IQGAP3: variants seen among roughly 807,000 people sequenced by gnomAD.
IQGAP3 encodes IQ motif containing GTPase activating protein 3.
In IQGAP3, 165 loss-of-function variants were observed where a neutral mutation model predicts 208.2. That is an observed-to-expected ratio of 0.79 (90% CI 0.70 to 0.90). IQGAP3 has a LOEUF of 0.90. Among genes scored for constraint, IQGAP3 ranks in the 40% least tolerant of loss-of-function variants. The probability of loss-of-function intolerance (pLI) is 0.00; values close to 1 mark genes in which losing one functional copy is unlikely to be tolerated. For synonymous variants in IQGAP3, 703 were observed against 803.6 expected (o/e 0.87, Z 2.12); for missense variants, 1,811 against 2,043.1 (o/e 0.89, Z 2.19).
At position 156,530,151 on chromosome 1, in the gene IQGAP3, A is replaced by T; in HGVS notation, c.4358T>A (p.Val1453Asp). 6.2e-7 allele frequency: 1 copy of T among 1,610,224 alleles called. No homozygotes were observed. Reference protein sequence around the residue: ...NLRRLEALGLVSARNGYQGLV... With the variant: ...NLRRLEALGLDSARNGYQGLV... Reference sequence around the variant, plus strand: ...CCCCTGGTAGCCATTTCTGGCGCTGACCAACCCCAGGGCTTCAAGTCGGCG... The same window carrying T: ...CCCCTGGTAGCCATTTCTGGCGCTGTCCAACCCCAGGGCTTCAAGTCGGCG... The change falls in exon 34 of 38, where the codon GTC becomes GAC. Residue 1453 changes from valine (V) to aspartate (D), a missense_variant. Physicochemically the swap from Val to Asp is radical, Grantham distance 152 (BLOSUM62 -3). Coordinates refer to ENST00000361170, the MANE Select transcript of IQGAP3 (RefSeq NM_178229.5).
At chr1:156,534,926 C>G (rs1197661060) in intron 28 of IQGAP3, among the ~76,000 whole-genome samples, 193 bp from the exon 29 acceptor site, 2 of 152,182 alleles carry the variant, frequency 1.3e-5, no homozygotes, top group Non-Finnish European at 2.9e-5. Context: ...GACTTGAACC[C>G]AGATCTCCTG....
At chr1:156,552,891 TAC>T in intron 13 of IQGAP3, among the ~76,000 whole-genome samples, 1 of 152,294 alleles carries the variant, frequency 6.6e-6, no homozygotes, top group Non-Finnish European at 1.5e-5. Context: ...CTGGGCAACG[TAC>T]AGAGATCCTA....
At chr1:156,562,557 C>T in intron 9 of IQGAP3, 30 bp downstream of exon 9, 2 of 1,598,184 alleles carry the variant, frequency 1.3e-6, no homozygotes, top group Non-Finnish European at 1.7e-6. Flanking sequence ...TGAGGTCACC[C>T]CCAAACCACT....
At chr1:156,542,771 T>C (rs1675047976) in intron 22 of IQGAP3, among the ~76,000 whole-genome samples, 1 of 151,834 alleles carries the variant, frequency 6.6e-6, no homozygotes, top group South Asian at 2.1e-4. Flanking sequence ...GAGACCCCCA[T>C]CTCTACAAAA....
At chr1:156,533,691 G>A (rs1007540408) in intron 31 of IQGAP3, 82 bp downstream of exon 31, 59 of 1,147,794 alleles carry the variant, frequency 5.1e-5, no homozygotes, top group Non-Finnish European at 6.5e-5. Flanking sequence ...GCATGGGCAC[G>A]CTCACATGCC....
At chr1:156,561,728 G>C in intron 10 of IQGAP3, 110 bp downstream of exon 10, 1 of 1,073,872 alleles carries the variant, frequency 9.3e-7, no homozygotes, top group Non-Finnish European at 1.4e-6. Context: ...TAAACACGTA[G>C]TCAGCACTTA....
At position 156,548,229 on chromosome 1, in the gene IQGAP3, C is replaced by T. The variant is rs774433919; in HGVS notation, c.2148G>A (p.Lys716=). The T allele has an allele frequency of 6.2e-7, 1 of 1,613,706 alleles. No homozygotes were observed. The highest frequency in any genetic ancestry group is 1.7e-5 in the Admixed American group (1 of 59,998). The change falls in exon 19 of 38, where the codon AAG becomes AAA. Residue 716 remains lysine (K), a synonymous_variant. Coordinates refer to ENST00000361170, the MANE Select transcript of IQGAP3 (RefSeq NM_178229.5). ...GTTGGCGGTCATAGGCAGCAGTGAC[C>T]TTGGTGACAGCTGACTGTGGAGGCA... ...TREEIQSAVT[K]VTAAYDRQQL...
intron 19 of IQGAP3, among the ~76,000 whole-genome samples, chr1:156,545,333 G>T (rs1675189104): frequency 6.6e-6 from 1 of 152,130 alleles, no homozygotes; most frequent in Admixed American, 6.5e-5. Flanking sequence ...CCTGTTTCCA[G>T]AAGTTCTCAA....
intron 37 of IQGAP3, among the ~76,000 whole-genome samples, chr1:156,526,808 A>G (rs541509179): frequency 6.6e-6 from 1 of 152,220 alleles, no homozygotes; most frequent in Non-Finnish European, 1.5e-5. Context: ...AAGCAGAACC[A>G]GGGCTTGAAA....
intron 26 of IQGAP3, among the ~76,000 whole-genome samples, chr1:156,537,919 C>G (rs1674775452): frequency 6.7e-6 from 1 of 149,264 alleles, no homozygotes. Flanking sequence ...TGCGGGGGGA[C>G]AGAGTCTCAC....
At chr1:156,553,580 CTTT>C (rs11316423) in intron 13 of IQGAP3, among the ~76,000 whole-genome samples, 13 of 87,998 alleles carry the variant, frequency 1.5e-4, no homozygotes, top group Non-Finnish European at 2.7e-4. Context: ...TTCTTTCTTT[CTTT>C]TTTTTTTTTT....
intron 22 of IQGAP3, among the ~76,000 whole-genome samples, chr1:156,542,024 G>A (rs1236007237): frequency 6.6e-6 from 1 of 152,100 alleles, no homozygotes; most frequent in Admixed American, 6.5e-5. Context: ...AGTGAAGTTA[G>A]AGGTGTAGGG....
In IQGAP3 at chr1:156,544,121, A is replaced by G. The variant is rs544959992; in HGVS notation, c.2460+31T>C. 21 of 1,613,594 alleles carry G rather than the reference A, an allele frequency of 1.3e-5. No homozygotes were observed. The African/African-American group carries it at 2.1e-4, about 16-fold the overall frequency. ...CTAGTCTCATGGGCAAAGGTTGGGTATGTGGGCAGGGGGAACAAGGTGACA... is the reference window on the plus strand; with the variant it reads ...CTAGTCTCATGGGCAAAGGTTGGGTGTGTGGGCAGGGGGAACAAGGTGACA... On this transcript the variant is annotated intron_variant, in intron 21 of 37. Coordinates refer to ENST00000361170, the MANE Select transcript of IQGAP3 (RefSeq NM_178229.5).
chr1:156,534,652 C>G lies in IQGAP3; in HGVS notation c.3589G>C (p.Ala1197Pro). The change falls in exon 29 of 38, where the codon GCT becomes CCT. Residue 1197 changes from alanine to proline, a missense_variant. By Grantham distance (27) the Ala-to-Pro change is conservative. Transcript: ENST00000361170. ...TGGGGGGCAGCCAGGGCTCCACCAG[C>G]TGCCATGGCCACAATGTCGAAGGCG... The part of the protein sequence containing the change: ...PDAFDIVAMA[A>P]GGALAAPQRH... The G allele has an allele frequency of 6.2e-7, 1 of 1,611,998 alleles. No individual in the cohort carries two copies. Among genetic ancestry groups the G allele is most frequent in the Non-Finnish European group, 8.5e-7 (1 of 1,179,642 alleles).
chr1:156,563,332 C>G lies in IQGAP3; in HGVS notation c.620-20G>C. The G allele has an allele frequency of 6.4e-7, 1 of 1,572,476 alleles. No homozygotes were observed. Among genetic ancestry groups the G allele is most frequent in the Non-Finnish European group, 8.7e-7 (1 of 1,154,134 alleles). On this transcript the variant is annotated intron_variant, in intron 7 of 37. Transcript: ENST00000361170. Reference sequence around the variant, plus strand: ...CATGGACTGGGAGAGGGCATGGAAACAAGGTCAGGAGGCCAGAGTGAATCC... The same window carrying G: ...CATGGACTGGGAGAGGGCATGGAAAGAAGGTCAGGAGGCCAGAGTGAATCC...
Position 156,572,537 on chromosome 1 carries a change from C to A in IQGAP3, c.-8G>T, listed in dbSNP as rs925639828. On this transcript the variant is annotated 5_prime_UTR_variant, in exon 1 of 38. It adds an upstream start codon to the 5' untranslated region. Coordinates refer to ENST00000361170, the MANE Select transcript of IQGAP3 (RefSeq NM_178229.5). ...CGCTGCTCTCCTCTCCATGTTCCTC[C>A]TTCTTCCAGGTTTGAATCTCCCGCC... 2 of 1,612,962 alleles carry A rather than the reference C, an allele frequency of 1.2e-6. No homozygotes were observed. The highest frequency in any genetic ancestry group is 1.3e-5 in the African/African-American group (1 of 75,072).
chr1:156,558,296 C>T (rs1267211194), intron 11 of IQGAP3, among the ~76,000 whole-genome samples: 4 of 53,164 alleles, frequency 7.5e-5, no homozygotes, highest in African/African-American at 2.5e-4. Context: ...AGGTGAGGGG[C>T]GCCTCTGCCC....
In IQGAP3 at chr1:156,548,130, CT is replaced by C. The variant is rs1011142601; in HGVS notation, c.2246del (p.Lys749SerfsTer9). 4 of 1,613,970 alleles carry C rather than the reference CT, an allele frequency of 2.5e-6. No homozygotes were observed. The African/African-American group carries it at 5.3e-5, about 22-fold the overall frequency. On this transcript the variant is annotated frameshift_variant, in exon 19 of 38. Coordinates refer to ENST00000361170, the MANE Select transcript of IQGAP3 (RefSeq NM_178229.5). LOFTEE classifies it high-confidence loss of function. ...ARLRGFLVRQ[K>X]FAEHSHFLRT... ...TCAGAAAGTGGGAATGCTCAGCAAA[CT>C]TCTGCCGAACTAGGAAGCCACGGAG...
chr1:156,528,119 A>G, intron 36 of IQGAP3, 59 bp from the exon 37 acceptor site: 1 of 1,295,302 alleles, frequency 7.7e-7, no homozygotes, highest in Non-Finnish European at 1.1e-6. Context: ...CTACAGCCAC[A>G]TTCTTGCACC....
Sources: gnomAD v4.1 joint callset for allele counts (sites outside exome capture counted in the v4.1 genomes callset) on GRCh38, gnomAD v4.1.1 for gene constraint, MANE v1.5 for transcripts, NCBI Gene and HGNC (gene_info 2026-07-23, HGNC 2026-07-21) for gene names.